Variants in GNA14 observed in about 807,000 individuals in gnomAD.
The protein encoded by GNA14 is G protein subunit alpha 14.
GNA14 carries 50 observed loss-of-function variants against 42.0 expected under a neutral mutation model. That is an observed-to-expected ratio of 1.19 (90% confidence interval 0.95 to 1.51). GNA14 has a LOEUF of 1.51. Among genes scored for constraint, GNA14 ranks in the 40% most tolerant of loss-of-function variants. GNA14 has a pLI of 0.00. For synonymous variants in GNA14, 173 were observed against 163.1 expected, an observed-to-expected ratio of 1.06 and a Z score of -0.46; for missense variants, 473 against 446.2, an observed-to-expected ratio of 1.06 and a Z score of -0.54.
chr9:77,493,132 C>T (rs1049649707), intron 2 of GNA14, among the ~76,000 whole-genome samples: 1 of 148,722 alleles, frequency 6.7e-6, no homozygotes, highest in Admixed American at 6.7e-5. Flanking sequence ...ATGGGGGCAC[C>T]GTGGGGCATA....
intron 1 of GNA14, among the ~76,000 whole-genome samples, chr9:77,641,771 T>A (rs1421366954): frequency 2.0e-5 from 3 of 152,150 alleles, no homozygotes; most frequent in Non-Finnish European, 2.9e-5. Context: ...AAAACTGGGA[T>A]ATGGATAATA....
intron 1 of GNA14, among the ~76,000 whole-genome samples, chr9:77,598,001 T>C (rs765260191): frequency 2.6e-5 from 4 of 152,168 alleles, no homozygotes; most frequent in Non-Finnish European, 5.9e-5. Context: ...ATTATTCCAC[T>C]GCATTCCAGC....
At chr9:77,555,083 C>T (rs1264235897) in intron 1 of GNA14, among the ~76,000 whole-genome samples, 1 of 151,970 alleles carries the variant, frequency 6.6e-6, no homozygotes, top group Non-Finnish European at 1.5e-5. Flanking sequence ...TTAGATGATA[C>T]TATGGAATTA....
chr9:77,527,930 C>T (rs1334237679), intron 2 of GNA14, among the ~76,000 whole-genome samples: 4 of 152,184 alleles, frequency 2.6e-5, no homozygotes, highest in Non-Finnish European at 5.9e-5. Flanking sequence ...CCACCGTGCC[C>T]AGCCCACCCC....
chr9:77,481,713 C>T (rs1022494172), intron 2 of GNA14, among the ~76,000 whole-genome samples: 4 of 152,116 alleles, frequency 2.6e-5, no homozygotes, highest in African/African-American at 7.2e-5. Context: ...TCAGGACTTG[C>T]TTTATGAATC....
rs925951180 is a variant in GNA14 at position 77,647,774 on chromosome 9, A to G, written c.20T>C (p.Leu7Pro). 3 of 1,609,638 alleles carry G rather than the reference A, an allele frequency of 1.9e-6. No individual in the cohort carries two copies. In the South Asian group the frequency reaches 3.3e-5, roughly 18 times the overall value. The change falls in exon 1 of 7, where the codon CTG (leucine) becomes CCG (proline). Residue 7 changes from leucine to proline, a missense_variant. Physicochemically the swap from Leu to Pro is moderately conservative, Grantham distance 98 (BLOSUM62 -3). Coordinates refer to ENST00000341700, the MANE Select transcript of GNA14 (RefSeq NM_004297.4). MAGCCC[L>P]SAEEKESQRI... ...CTGCGACTCCTTCTCCTCCGCGGAC[A>G]GGCAGCAGCAGCCGGCCATGGTGCG...
intron 1 of GNA14, among the ~76,000 whole-genome samples, chr9:77,562,165 A>T (rs1392988585): frequency 6.6e-6 from 1 of 152,230 alleles, no homozygotes; most frequent in African/African-American, 2.4e-5. Flanking sequence ...CCCTTCTCTC[A>T]TGGAAATTAT....
chr9:77,581,963 TG>T (rs1248551438), intron 1 of GNA14, among the ~76,000 whole-genome samples: 1 of 152,202 alleles, frequency 6.6e-6, no homozygotes, highest in African/African-American at 2.4e-5. Flanking sequence ...ACTCTTAAAT[TG>T]TAACACCCTT....
At chr9:77,550,165 C>T (rs531155829) in intron 1 of GNA14, among the ~76,000 whole-genome samples, 6 of 152,088 alleles carry the variant, frequency 3.9e-5, no homozygotes, top group African/African-American at 7.2e-5. Context: ...TGCAAATGTA[C>T]GGTGCCTCCC....
chr9:77,501,563 T>C (rs1226063480), intron 2 of GNA14, among the ~76,000 whole-genome samples: 2 of 152,192 alleles, frequency 1.3e-5, no homozygotes. Flanking sequence ...TTTTTATAAC[T>C]GATTTTTTTG....
intron 2 of GNA14, among the ~76,000 whole-genome samples, chr9:77,490,544 G>A (rs1359443399): frequency 2.6e-5 from 4 of 152,248 alleles, no homozygotes; most frequent in Non-Finnish European, 5.9e-5. Context: ...AGGCAGCTAA[G>A]GCCTGGTGAG....
chr9:77,645,429 A>C (rs1824337368), intron 1 of GNA14, among the ~76,000 whole-genome samples: 1 of 152,148 alleles, frequency 6.6e-6, no homozygotes, highest in African/African-American at 2.4e-5. Flanking sequence ...AATAAATCAG[A>C]GGTTTTGAAG....
chr9:77,453,703 T>A (rs1264982969), intron 2 of GNA14, among the ~76,000 whole-genome samples: 1 of 152,164 alleles, frequency 6.6e-6, no homozygotes, highest in African/African-American at 2.4e-5. Context: ...CAGCATTTAG[T>A]GAGAATTTAT....
At chr9:77,643,668 G>C (rs1824306224) in intron 1 of GNA14, among the ~76,000 whole-genome samples, 1 of 152,060 alleles carries the variant, frequency 6.6e-6, no homozygotes, top group South Asian at 2.1e-4. Context: ...AAACTTTTTG[G>C]GACCAGATTT....
At chr9:77,583,430 A>G (rs1823257304) in intron 1 of GNA14, among the ~76,000 whole-genome samples, 1 of 152,232 alleles carries the variant, frequency 6.6e-6, no homozygotes, top group African/African-American at 2.4e-5. Flanking sequence ...AGATTCCAAA[A>G]CAAAGGATTT....
intron 1 of GNA14, among the ~76,000 whole-genome samples, chr9:77,609,484 C>T (rs1401779523): frequency 1.3e-5 from 2 of 152,150 alleles, no homozygotes; most frequent in African/African-American, 2.4e-5. Flanking sequence ...CATGCTCTAC[C>T]CATTATCCAG....
chr9:77,576,922 T>C (rs1048094684), intron 1 of GNA14, among the ~76,000 whole-genome samples: 3 of 152,118 alleles, frequency 2.0e-5, no homozygotes, highest in African/African-American at 7.2e-5. Context: ...AAATGTCAAA[T>C]ATTTGAACCC....
intron 2 of GNA14, among the ~76,000 whole-genome samples, chr9:77,504,663 T>TTC (rs1240238892): frequency 0.01 from 1,389 of 134,790 alleles, 16 homozygotes; most frequent in African/African-American, 0.037. Context: ...TGGCCGACTT[T>TTC]TTTTTTTTTT....
chr9:77,630,710 G>A (rs12342014), intron 1 of GNA14, among the ~76,000 whole-genome samples: 7 of 151,922 alleles, frequency 4.6e-5, no homozygotes, highest in African/African-American at 1.7e-4. Flanking sequence ...AGAAAAACTA[G>A]TTTTTTTTAG....
Sources: gnomAD v4.1 joint callset for allele counts (sites outside exome capture counted in the v4.1 genomes callset) on GRCh38, gnomAD v4.1.1 for gene constraint, MANE v1.5 for transcripts, NCBI Gene and HGNC (gene_info 2026-07-23, HGNC 2026-07-21) for gene names.